ADGRB3: variants seen among roughly 807,000 people sequenced by gnomAD.
ADGRB3 encodes the protein brain-specific angiogenesis inhibitor 3.
In ADGRB3, 37 loss-of-function variants were observed where a neutral mutation model predicts 193.4. That is an observed-to-expected ratio of 0.19 (90% CI 0.15 to 0.25). The LOEUF is 0.25. ADGRB3 is among the 10% of genes least tolerant of loss of function. ADGRB3 has a pLI of 1.00. For synonymous variants in ADGRB3, 690 were observed against 644.2 expected, an observed-to-expected ratio of 1.07 and a Z score of -1.08; for missense variants, 1,637 against 1,852.9, an observed-to-expected ratio of 0.88 and a Z score of 2.14.
At position 69,364,054 on chromosome 6, in the gene ADGRB3, C is replaced by T. The variant is rs188969099; in HGVS notation, c.4239+2542C>T. Among the ~76,000 whole-genome samples, 244 of 152,022 alleles carry T rather than the reference C, an allele frequency of 1.6e-3. 1 individual carries two copies. Among genetic ancestry groups the T allele is most frequent in the African/African-American group, 5.7e-3 (238 of 41,500 alleles). On this transcript the variant is annotated intron_variant, in intron 29 of 31. Transcript: ENST00000370598. ...ATAGGACAATTTAAGTCTTTTCTCC[C>T]TGTAAGTAAGAAGGAAGATTAAAGC...
At chr6:68,721,696 T>G (rs896309427) in intron 3 of ADGRB3, among the ~76,000 whole-genome samples, 2 of 148,578 alleles carry the variant, frequency 1.3e-5, no homozygotes, top group Non-Finnish European at 3.0e-5. Flanking sequence ...GATGTATGTA[T>G]TTATAATAAA....
intron 17 of ADGRB3, among the ~76,000 whole-genome samples, chr6:69,104,160 G>A (rs1773144450): frequency 1.3e-5 from 2 of 151,094 alleles, no homozygotes; most frequent in Admixed American, 6.6e-5. Context: ...AGCATTAGGT[G>A]TATCTCCCAA....
At chr6:69,288,666 A>G (rs1767602874) in intron 20 of ADGRB3, among the ~76,000 whole-genome samples, 1 of 152,172 alleles carries the variant, frequency 6.6e-6, no homozygotes, top group Non-Finnish European at 1.5e-5. Context: ...TGTCTCCCCA[A>G]GGGAGTTATT....
intron 3 of ADGRB3, among the ~76,000 whole-genome samples, chr6:68,879,563 T>G (rs745659723): frequency 2.7e-5 from 4 of 150,568 alleles, no homozygotes; most frequent in Non-Finnish European, 5.9e-5. Context: ...GTAAATGTTT[T>G]CCCCCAACTG....
chr6:69,233,175 C>T (rs1385742515), intron 17 of ADGRB3, 115 bp from the exon 18 acceptor site: 8 of 1,322,124 alleles, frequency 6.1e-6, no homozygotes, highest in East Asian at 2.4e-5. Context: ...ATTTTTTTTT[C>T]CTGTACAGGA....
At chr6:68,788,612 G>A (rs569649030) in intron 3 of ADGRB3, among the ~76,000 whole-genome samples, 30 of 152,234 alleles carry the variant, frequency 2.0e-4, no homozygotes, top group Middle Eastern at 6.8e-3. Context: ...GTGTGGTGCC[G>A]AAAAGAATGT....
chr6:69,009,633 G>A (rs1200744434), intron 11 of ADGRB3, among the ~76,000 whole-genome samples: 3 of 152,140 alleles, frequency 2.0e-5, no homozygotes, highest in African/African-American at 7.2e-5. Flanking sequence ...CCTATGTTAT[G>A]CATCCTTATC....
chr6:69,260,474 T>C (rs1181468036), intron 20 of ADGRB3, among the ~76,000 whole-genome samples: 1 of 152,194 alleles, frequency 6.6e-6, no homozygotes, highest in East Asian at 1.9e-4. Context: ...TTCTAGACGC[T>C]ATTTCAGAGT....
At chr6:69,219,310 G>A (rs1322933201) in intron 17 of ADGRB3, among the ~76,000 whole-genome samples, 1 of 151,262 alleles carries the variant, frequency 6.6e-6, no homozygotes, top group Non-Finnish European at 1.5e-5. Flanking sequence ...ACATTGTATT[G>A]ATGCCTGATT....
At chr6:69,231,431 TA>T (rs767700561) in intron 17 of ADGRB3, among the ~76,000 whole-genome samples, 4 of 152,250 alleles carry the variant, frequency 2.6e-5, no homozygotes, top group Non-Finnish European at 5.9e-5. Context: ...TGCATTAAAG[TA>T]AAGCTGCCAT....
At chr6:68,697,484 T>G (rs1385062098) in intron 3 of ADGRB3, among the ~76,000 whole-genome samples, 1 of 151,956 alleles carries the variant, frequency 6.6e-6, no homozygotes. Flanking sequence ...CTCTCTTCTA[T>G]TGCAGGAGGT....
intron 18 of ADGRB3, among the ~76,000 whole-genome samples, 197 bp from the exon 19 acceptor site, chr6:69,234,835 G>T (rs1002715803): frequency 2.0e-5 from 3 of 152,068 alleles, no homozygotes; most frequent in African/African-American, 7.2e-5. Flanking sequence ...CTTCACAGTG[G>T]GAGAGAGGGG....
intron 3 of ADGRB3, among the ~76,000 whole-genome samples, chr6:68,897,677 AAAAG>A (rs1320958395): frequency 1.4e-4 from 14 of 98,948 alleles, no homozygotes; most frequent in South Asian, 7.6e-4. Context: ...AAAGAAGGGA[AAAAG>A]AAAGAGAAAC....
chr6:69,263,685 T>C (rs907489172), intron 20 of ADGRB3, among the ~76,000 whole-genome samples: 1 of 151,962 alleles, frequency 6.6e-6, no homozygotes, highest in Admixed American at 6.6e-5. Flanking sequence ...TTGGATTAAT[T>C]TGGGGAGGCT....
intron 20 of ADGRB3, among the ~76,000 whole-genome samples, chr6:69,324,485 G>C (rs1245254655): frequency 6.6e-6 from 1 of 152,010 alleles, no homozygotes; most frequent in Non-Finnish European, 1.5e-5. Flanking sequence ...TGTTAAAAGG[G>C]AAGAATAAAG....
Position 68,747,470 on chromosome 6 carries a change from T to A in ADGRB3, c.757+108038T>A, listed in dbSNP as rs1372075827. 5.3e-5 allele frequency among the ~76,000 whole-genome samples: 8 copies of A among 152,256 alleles called. No homozygotes were observed. The East Asian group carries it at 1.5e-3, about 29-fold the overall frequency. On this transcript the variant is annotated intron_variant, in intron 3 of 31. Transcript: ENST00000370598. ...GTCTGCAATCAGATAGCATGCTTAA[T>A]TATTTTTTCCATCCATTTGAACCTA... is the stretch of plus-strand genomic sequence containing the variant.
chr6:69,236,860 A>G (rs1198214004), intron 19 of ADGRB3, among the ~76,000 whole-genome samples: 2 of 152,068 alleles, frequency 1.3e-5, no homozygotes, highest in African/African-American at 2.4e-5. Context: ...TACCAAAACA[A>G]TTCAAAGGAT....
intron 3 of ADGRB3, among the ~76,000 whole-genome samples, chr6:68,768,394 CAACCATCT>C (rs1766552823): frequency 6.6e-6 from 1 of 152,148 alleles, no homozygotes; most frequent in Non-Finnish European, 1.5e-5. Context: ...CACACACCTA[CAACCATCT>C]GATCTTTGAC....
At chr6:69,036,513 C>T (rs1253427194) in intron 13 of ADGRB3, among the ~76,000 whole-genome samples, 1 of 151,762 alleles carries the variant, frequency 6.6e-6, no homozygotes, top group African/African-American at 2.4e-5. Flanking sequence ...TAACAATATA[C>T]AGAAAAATGC....
Sources: gnomAD v4.1 joint callset for allele counts (sites outside exome capture counted in the v4.1 genomes callset) on GRCh38, gnomAD v4.1.1 for gene constraint, MANE v1.5 for transcripts, NCBI Gene and HGNC (gene_info 2026-07-23, HGNC 2026-07-21) for gene names.